The following CNTNAP2 variants were observed in gnomAD, a reference collection of about 807,000 sequenced individuals.
CNTNAP2 encodes contactin associated protein 2.
A neutral mutation model predicts 155.2 loss-of-function variants in CNTNAP2; 98 were observed. The ratio of observed to expected loss-of-function variants is 0.63; its 90% CI spans 0.54 to 0.75. The LOEUF is 0.75. Among genes scored for constraint, CNTNAP2 ranks in the 30% least tolerant of loss-of-function variants. The pLI, the probability that CNTNAP2 is intolerant of heterozygous loss-of-function variation, is 0.00. For missense variants in CNTNAP2, 1,727 were observed against 1,688.1 expected (o/e 1.02, Z -0.40); for synonymous variants, 651 against 631.2 (o/e 1.03, Z -0.47).
intron 14 of CNTNAP2, among the ~76,000 whole-genome samples, chr7:147,909,618 CA>C (rs1166341051): frequency 6.6e-6 from 1 of 152,128 alleles, no homozygotes; most frequent in East Asian, 1.9e-4. Context: ...TAAATATTCC[CA>C]CCTACAGTGC....
intron 13 of CNTNAP2, among the ~76,000 whole-genome samples, chr7:147,671,250 T>G (rs551317242): frequency 7.9e-5 from 12 of 152,356 alleles, no homozygotes; most frequent in Non-Finnish European, 1.6e-4. Context: ...GGCACCCGGT[T>G]GCAAGTTCCA....
chr7:148,087,387 C>G (rs1803754552), intron 15 of CNTNAP2, among the ~76,000 whole-genome samples: 1 of 151,922 alleles, frequency 6.6e-6, no homozygotes, highest in Non-Finnish European at 1.5e-5. Flanking sequence ...TTAAACATAC[C>G]CTATTTCATT....
chr7:147,031,804 G>A (rs1371830487), intron 3 of CNTNAP2, among the ~76,000 whole-genome samples: 1 of 152,194 alleles, frequency 6.6e-6, no homozygotes, highest in Non-Finnish European at 1.5e-5. Context: ...TGTAGTCCCA[G>A]CTACTCAGGA....
At chr7:147,727,793 C>A (rs1796669128) in intron 13 of CNTNAP2, among the ~76,000 whole-genome samples, 2 of 149,064 alleles carry the variant, frequency 1.3e-5, no homozygotes, top group Admixed American at 6.7e-5. Context: ...GTTTTCTTCC[C>A]CTACCAAATA....
chr7:146,546,077 C>T (rs998377997), intron 1 of CNTNAP2, among the ~76,000 whole-genome samples: 2 of 151,864 alleles, frequency 1.3e-5, no homozygotes, highest in African/African-American at 4.8e-5. Flanking sequence ...ATGGAACATC[C>T]TCCTAAAGGA....
chr7:147,309,879 A>G (rs980184033), intron 9 of CNTNAP2, among the ~76,000 whole-genome samples: 1 of 152,122 alleles, frequency 6.6e-6, no homozygotes, highest in Non-Finnish European at 1.5e-5. Context: ...TTTTAATACA[A>G]AAAAATTTTT....
intron 5 of CNTNAP2, among the ~76,000 whole-genome samples, chr7:147,119,958 C>T (rs536331733): frequency 1.3e-3 from 202 of 152,206 alleles, no homozygotes; most frequent in African/African-American, 4.7e-3. Context: ...TAAACTTTAT[C>T]CAGGGATGAC....
intron 21 of CNTNAP2, among the ~76,000 whole-genome samples, chr7:148,319,946 G>C (rs1797760762): frequency 6.6e-6 from 1 of 151,112 alleles, no homozygotes; most frequent in Non-Finnish European, 1.5e-5. Context: ...CTAGTCCACG[G>C]AAAAGCTGTC....
At chr7:146,479,933 C>T (rs1304799645) in intron 1 of CNTNAP2, among the ~76,000 whole-genome samples, 1 of 151,992 alleles carries the variant, frequency 6.6e-6, no homozygotes, top group Non-Finnish European at 1.5e-5. Context: ...TACAGGCGCC[C>T]GCCAACACGC....
chr7:147,260,520 A>C (rs568537873), intron 8 of CNTNAP2, among the ~76,000 whole-genome samples: 9 of 152,344 alleles, frequency 5.9e-5, no homozygotes, highest in Admixed American at 3.3e-4. Flanking sequence ...AAAATATTAT[A>C]GTATGCATGA....
intron 1 of CNTNAP2, among the ~76,000 whole-genome samples, chr7:146,314,073 T>G (rs1800870469): frequency 6.6e-6 from 1 of 152,214 alleles, no homozygotes; most frequent in Non-Finnish European, 1.5e-5. Flanking sequence ...TTCGTTCTTC[T>G]GAATATGAAT....
intron 13 of CNTNAP2, among the ~76,000 whole-genome samples, chr7:147,728,584 A>T (rs543488928): frequency 1.3e-5 from 2 of 151,952 alleles, no homozygotes; most frequent in African/African-American, 2.4e-5. Flanking sequence ...ATCTTTTTTC[A>T]TGTTTCTAGT....
Position 148,036,191 on chromosome 7 carries a change from G to A in CNTNAP2, c.2383+58202G>A, listed in dbSNP as rs766265274. ...TCTGGACTTTGGACTTTGAGTTGGGGCTGGGATGAGTGAAGAGTTTAGAGT... is the reference window on the plus strand; with the variant it reads ...TCTGGACTTTGGACTTTGAGTTGGGACTGGGATGAGTGAAGAGTTTAGAGT... On this transcript the variant is annotated intron_variant, in intron 15 of 23. Coordinates refer to ENST00000361727, the MANE Select transcript of CNTNAP2 (RefSeq NM_014141.6). 2.0e-4 allele frequency among the ~76,000 whole-genome samples: 30 copies of A among 152,152 alleles called. 1 individual carries two copies. The highest frequency in any genetic ancestry group is 4.1e-4 in the Non-Finnish European group (28 of 68,012).
At chr7:146,908,456 A>G (rs1304788223) in intron 3 of CNTNAP2, among the ~76,000 whole-genome samples, 3 of 141,526 alleles carry the variant, frequency 2.1e-5, no homozygotes, top group Admixed American at 1.4e-4. Context: ...ACTATCTCTC[A>G]GACCACAGTG....
chr7:147,457,513 C>T (rs1442230246), intron 10 of CNTNAP2, among the ~76,000 whole-genome samples: 1 of 104,536 alleles, frequency 9.6e-6, no homozygotes, highest in African/African-American at 3.6e-5. Context: ...ATATTTAGTT[C>T]ATAATTTATC....
intron 1 of CNTNAP2, among the ~76,000 whole-genome samples, chr7:146,409,974 G>A (rs1200712528): frequency 6.6e-6 from 1 of 152,166 alleles, no homozygotes; most frequent in African/African-American, 2.4e-5. Flanking sequence ...CCTGTGCTCT[G>A]TAATGATTAC....
intron 21 of CNTNAP2, among the ~76,000 whole-genome samples, chr7:148,372,987 G>C (rs1280624615): frequency 6.6e-6 from 1 of 152,148 alleles, no homozygotes; most frequent in Non-Finnish European, 1.5e-5. Flanking sequence ...TCCACAGGGT[G>C]AGGATCATCA....
At chr7:147,761,162 G>GCC (rs1797293268) in intron 13 of CNTNAP2, among the ~76,000 whole-genome samples, 3 of 152,166 alleles carry the variant, frequency 2.0e-5, no homozygotes, top group Admixed American at 2.0e-4. Flanking sequence ...TACCTTAATT[G>GCC]TAAAGTTATC....
intron 1 of CNTNAP2, among the ~76,000 whole-genome samples, chr7:146,648,318 G>T (rs1029329555): frequency 4.9e-4 from 75 of 152,180 alleles, no homozygotes; most frequent in African/African-American, 1.7e-3. Flanking sequence ...TTCCCCATGG[G>T]AAAGAAGTGA....
Sources: allele counts gnomAD v4.1 joint callset (sites outside exome capture counted in the v4.1 genomes callset), GRCh38; gene constraint gnomAD v4.1.1; transcripts MANE v1.5; gene names NCBI Gene and HGNC (gene_info 2026-07-23, HGNC 2026-07-21).